Variants in ATF3 observed in about 807,000 individuals in gnomAD.
ATF3 encodes the protein activating transcription factor 3.
Under a neutral mutation model 18.4 loss-of-function variants are expected in ATF3, and 10 were observed. The observed-to-expected ratio is 0.54, with a 90% CI of 0.34 to 0.92. ATF3 has a LOEUF of 0.92. ATF3 is among the 40% of genes least tolerant of loss of function. The pLI is 0.02. For synonymous variants in ATF3, 78 were observed against 87.9 expected, an observed-to-expected ratio of 0.89 and a Z score of 0.63; for missense variants, 183 against 222.3, an observed-to-expected ratio of 0.82 and a Z score of 1.12.
At chr1:212,606,459 G>A (rs893508426), upstream of ATF3, among the ~76,000 whole-genome samples, 2 of 152,232 alleles carry the variant, frequency 1.3e-5, no homozygotes, top group East Asian at 3.8e-4. Context: ...CGACCGGGGT[G>A]TTGGGGGCTT....
intron 1 of ATF3, among the ~76,000 whole-genome samples, chr1:212,602,745 C>A (rs1654515480): frequency 6.6e-6 from 1 of 152,182 alleles, no homozygotes; most frequent in African/African-American, 2.4e-5. Flanking sequence ...ACGGAACACC[C>A]AGAATGCTAC....
At chr1:212,577,400 T>C (rs1664601108) in intron 1 of ATF3, among the ~76,000 whole-genome samples, 6 of 152,208 alleles carry the variant, frequency 3.9e-5, no homozygotes, top group Admixed American at 2.0e-4. Flanking sequence ...ATAGTTATCA[T>C]TTTTGTGCTG....
At position 212,593,058 on chromosome 1, in the gene ATF3, G is replaced by A. The variant is rs1053806053; in HGVS notation, c.-4-21960G>A. Among the ~76,000 whole-genome samples, 4 of 151,148 alleles carry A rather than the reference G, an allele frequency of 2.6e-5. 1 individual carries two copies. Among genetic ancestry groups the A allele is most frequent in the African/African-American group, 9.8e-5 (4 of 40,830 alleles). Reference sequence around the variant, plus strand: ...CCAACCCAAATGTCCAACAGTGATAGACTGGATTAAGAAAATGTGGCCCAT... The same window carrying A: ...CCAACCCAAATGTCCAACAGTGATAAACTGGATTAAGAAAATGTGGCCCAT... On this transcript the variant is annotated intron_variant, in intron 1 of 3. Transcript: ENST00000366981.
chr1:212,575,804 C>T (rs927534292), intron 1 of ATF3, among the ~76,000 whole-genome samples: 2 of 152,052 alleles, frequency 1.3e-5, no homozygotes, highest in African/African-American at 4.8e-5. Flanking sequence ...AAAGGCCTTT[C>T]TTTTTAATTT....
At chr1:212,574,407 T>G (rs1664537285) in intron 1 of ATF3, among the ~76,000 whole-genome samples, 1 of 152,074 alleles carries the variant, frequency 6.6e-6, no homozygotes, top group South Asian at 2.1e-4. Context: ...CAAGCTTATA[T>G]AATTTTTGTT....
intron 1 of ATF3, among the ~76,000 whole-genome samples, chr1:212,573,267 G>T (rs1292151137): frequency 6.6e-6 from 1 of 151,916 alleles, no homozygotes; most frequent in Non-Finnish European, 1.5e-5. Context: ...AACACTTTTT[G>T]TTATGTTAAT....
chr1:212,585,745 G>C (rs12401671), intron 1 of ATF3, among the ~76,000 whole-genome samples: 1 of 152,058 alleles, frequency 6.6e-6, no homozygotes, highest in East Asian at 1.9e-4. Flanking sequence ...TCTGGTTATC[G>C]ACCTAGGCAG....
intron 1 of ATF3, among the ~76,000 whole-genome samples, chr1:212,609,381 G>GC (rs1342398123): frequency 6.3e-4 from 93 of 148,048 alleles, no homozygotes; most frequent in African/African-American, 2.2e-3. Flanking sequence ...CGGGTGGGGG[G>GC]GGGGGGGCGC....
chr1:212,588,662 G>C (rs1571767175), intron 1 of ATF3, among the ~76,000 whole-genome samples: 2 of 151,262 alleles, frequency 1.3e-5, no homozygotes, highest in African/African-American at 4.9e-5. Context: ...CAGTCTCCCA[G>C]CTCATGCAAC....
intron 1 of ATF3, among the ~76,000 whole-genome samples, chr1:212,567,341 A>G (rs1027126972): frequency 6.6e-6 from 1 of 152,198 alleles, no homozygotes; most frequent in Non-Finnish European, 1.5e-5. Flanking sequence ...GAGTGTTTAC[A>G]CGGCAGTGGG....
chr1:212,597,068 CA>C (rs1010351241), intron 1 of ATF3, among the ~76,000 whole-genome samples: 5 of 152,134 alleles, frequency 3.3e-5, no homozygotes, highest in African/African-American at 1.2e-4. Context: ...GGGCAATCTT[CA>C]GATAAGAAAA....
Position 212,618,873 on chromosome 1 carries a change from C to A in ATF3, c.349-485C>A. On this transcript the variant is annotated intron_variant, in intron 3 of 3. Transcript: ENST00000341491. This position sits in a 1 kb window ranked among gnomAD's most constrained non-coding sequence, Gnocchi z 4.4. Reference sequence around the variant, plus strand: ...AAATGTGGACAGGCCATGACAGAGTCTTAGCCCAAGTCCCACAGATCCCCA... The same window carrying A: ...AAATGTGGACAGGCCATGACAGAGTATTAGCCCAAGTCCCACAGATCCCCA... 1.2e-6 allele frequency: 1 copy of A among 809,600 alleles called. No homozygotes were observed. Among genetic ancestry groups the A allele is most frequent in the Non-Finnish European group, 2.0e-6 (1 of 496,318 alleles). The allele number at this position is 809,600 out of a possible 1,614,324, so 50.2% of individuals were successfully genotyped here. A position where few individuals can be genotyped will look rare whatever the true frequency, so the allele number is the denominator to read the frequency against.
chr1:212,602,216 G>T (rs1330406078), intron 1 of ATF3, among the ~76,000 whole-genome samples: 1 of 152,114 alleles, frequency 6.6e-6, no homozygotes, highest in Admixed American at 6.5e-5. Context: ...CAGCCCCAAG[G>T]ATAGTATGCC....
chr1:212,594,403 C>CA (rs1664951150), intron 1 of ATF3, among the ~76,000 whole-genome samples: 1 of 82,278 alleles, frequency 1.2e-5, no homozygotes. Context: ...ATGAATGAAA[C>CA]AAACAAACAA....
intron 1 of ATF3, among the ~76,000 whole-genome samples, chr1:212,593,054 G>C (rs36175579): frequency 6.7e-6 from 1 of 149,954 alleles, no homozygotes; most frequent in African/African-American, 2.5e-5. Flanking sequence ...GTCCAACAGT[G>C]ATAGACTGGA....
chr1:212,612,309 T>A (rs918801728), intron 1 of ATF3, among the ~76,000 whole-genome samples: 1 of 151,542 alleles, frequency 6.6e-6, no homozygotes, highest in African/African-American at 2.4e-5. Flanking sequence ...GGGGCGGGAG[T>A]CATAAACAGC....
At chr1:212,587,439 G>A (rs556402874) in intron 1 of ATF3, among the ~76,000 whole-genome samples, 1 of 152,286 alleles carries the variant, frequency 6.6e-6, no homozygotes, top group South Asian at 2.1e-4. Context: ...CAGAAGTCAG[G>A]ATTGCTGCCA....
chr1:212,608,123 C>G (rs11571517), upstream of ATF3, among the ~76,000 whole-genome samples: 3 of 152,204 alleles, frequency 2.0e-5, no homozygotes, highest in Non-Finnish European at 4.4e-5. Context: ...CGTGGATACA[C>G]CGAAGGGTGA....
In ATF3 at chr1:212,598,922, T is replaced by C. The variant is rs28483601; in HGVS notation, c.-4-16096T>C. On this transcript the variant is annotated intron_variant, in intron 1 of 3. Transcript: ENST00000366981. ...ACTGTGAACAGAGCTGCAACAAACA[T>C]GGGAGTGCAGATATCTCCTTGATAT... Among the ~76,000 whole-genome samples the C allele has an allele frequency of 8.2e-3, 1,248 of 152,344 alleles. 22 individuals are homozygous for C. The highest frequency in any genetic ancestry group is 0.029 in the African/African-American group (1,207 of 41,590).
Sources: allele counts gnomAD v4.1 joint callset (sites outside exome capture counted in the v4.1 genomes callset), GRCh38; gene constraint gnomAD v4.1.1; non-coding constraint Gnocchi (gnomAD v3.1); transcripts MANE v1.5; gene names NCBI Gene and HGNC (gene_info 2026-07-23, HGNC 2026-07-21).